Variants in SRGAP3 observed in about 807,000 individuals in gnomAD.
The protein encoded by SRGAP3 is SLIT-ROBO Rho GTPase-activating protein 3.
SRGAP3 carries 39 observed loss-of-function variants against 121.1 expected under a neutral mutation model. The ratio of observed to expected loss-of-function variants is 0.32; its 90% CI spans 0.25 to 0.42. The LOEUF (loss-of-function observed/expected upper bound fraction) is 0.42. Ranked by LOEUF, SRGAP3 falls within the 10% of genes least tolerant of loss-of-function variation. SRGAP3 has a pLI of 1.00. For synonymous variants in SRGAP3, 601 were observed against 570.0 expected, an observed-to-expected ratio of 1.05 and a Z score of -0.77; for missense variants, 1,213 against 1,470.6, an observed-to-expected ratio of 0.82 and a Z score of 2.86.
chr3:9,032,522 C>T (rs574413614), intron 12 of SRGAP3, 128 bp downstream of exon 12: 3 of 838,868 alleles, frequency 3.6e-6, no homozygotes, highest in East Asian at 2.5e-5. Flanking sequence ...TAAGAGCAGG[C>T]TGCAGTGAGG....
At position 9,195,116 on chromosome 3, in the gene SRGAP3, T is replaced by G. The variant is rs865820171; in HGVS notation, c.67+53769A>C. Among the ~76,000 whole-genome samples the G allele has an allele frequency of 1.1e-4, 17 of 152,366 alleles. No individual in the cohort carries two copies. The Middle Eastern group carries it at 0.02, about 183-fold the overall frequency. ...AGCAAGACATCACCGAAGGTGGAGTTGTGGAGAGATGCACATAGCTCTCCA... is the reference window on the plus strand; with the variant it reads ...AGCAAGACATCACCGAAGGTGGAGTGGTGGAGAGATGCACATAGCTCTCCA... On this transcript the variant is annotated intron_variant, in intron 1 of 21. Coordinates refer to ENST00000383836, the MANE Select transcript of SRGAP3 (RefSeq NM_014850.4).
intron 3 of SRGAP3, among the ~76,000 whole-genome samples, chr3:9,080,659 T>C (rs563155075): frequency 6.6e-6 from 1 of 152,100 alleles, no homozygotes; most frequent in South Asian, 2.1e-4. Context: ...CAGCAGGAGG[T>C]GAGCGGTGGG....
At chr3:9,294,695 C>CGTGTGTGT (rs753452580) in intron 3 of SRGAP3, among the ~76,000 whole-genome samples, 10,623 of 119,726 alleles carry the variant, frequency 0.089, 604 homozygotes, top group Non-Finnish European at 0.1. Flanking sequence ...TTGAAGCTTT[C>CGTGTGTGT]GTGTGTGTGT....
intron 18 of SRGAP3, among the ~76,000 whole-genome samples, chr3:9,001,253 C>A (rs1942750456): frequency 6.6e-6 from 1 of 152,116 alleles, no homozygotes; most frequent in Admixed American, 6.5e-5. Context: ...GTTCACACCA[C>A]AAAGAAACAA....
At chr3:9,155,395 C>T (rs1950384836) in intron 1 of SRGAP3, among the ~76,000 whole-genome samples, 1 of 152,152 alleles carries the variant, frequency 6.6e-6, no homozygotes, top group African/African-American at 2.4e-5. Flanking sequence ...ATTTTTGTCA[C>T]TCATGGTGAT....
At chr3:9,235,984 T>C (rs1953394966) in intron 1 of SRGAP3, 1 of 157,836 alleles carries the variant, frequency 6.3e-6, no homozygotes, top group African/African-American at 2.4e-5. Flanking sequence ...CTCTCATCCA[T>C]ACCATCTTCA....
At chr3:9,108,340 C>T (rs762623743) in intron 2 of SRGAP3, among the ~76,000 whole-genome samples, 31 of 152,226 alleles carry the variant, frequency 2.0e-4, no homozygotes, top group Non-Finnish European at 3.1e-4. Flanking sequence ...TGCTTTAGGC[C>T]GGGTGCAGTG....
At chr3:8,993,090 T>C in intron 19 of SRGAP3, 35 bp from the exon 20 acceptor site, 1 of 1,612,316 alleles carries the variant, frequency 6.2e-7, no homozygotes, top group Non-Finnish European at 8.5e-7. Flanking sequence ...GGAGGCACCT[T>C]CCCCCAAAGA....
At chr3:9,330,795 T>C (rs910050107) in intron 1 of SRGAP3, among the ~76,000 whole-genome samples, 4 of 152,160 alleles carry the variant, frequency 2.6e-5, no homozygotes, top group South Asian at 2.1e-4. Flanking sequence ...AACAGTGAGA[T>C]TGATTACAGC....
intron 1 of SRGAP3, among the ~76,000 whole-genome samples, chr3:9,140,360 G>A (rs1489053402): frequency 6.6e-6 from 1 of 152,080 alleles, no homozygotes. Context: ...GACAAAAGTA[G>A]GTTACAAAAA....
chr3:9,319,845 G>A (rs1955411256), intron 3 of SRGAP3, among the ~76,000 whole-genome samples: 1 of 151,986 alleles, frequency 6.6e-6, no homozygotes, highest in South Asian at 2.1e-4. Context: ...ACATGACTGT[G>A]AGAGTAAGAA....
At chr3:9,341,789 G>A (rs1036494357) in intron 1 of SRGAP3, among the ~76,000 whole-genome samples, 2 of 152,152 alleles carry the variant, frequency 1.3e-5, no homozygotes, top group South Asian at 2.1e-4. Flanking sequence ...GTGAGCCACC[G>A]CACCGGGCCT....
chr3:9,030,921 G>A (rs1015605938), intron 12 of SRGAP3, among the ~76,000 whole-genome samples: 2 of 151,324 alleles, frequency 1.3e-5, no homozygotes, highest in Non-Finnish European at 2.9e-5. Flanking sequence ...TACTGTGCTT[G>A]AGCTCATAGC....
At chr3:9,021,762 A>G (rs779088822) in intron 14 of SRGAP3, among the ~76,000 whole-genome samples, 20 of 152,192 alleles carry the variant, frequency 1.3e-4, no homozygotes, top group Non-Finnish European at 7.3e-5. Flanking sequence ...AAGAATGGGC[A>G]CCCTGCAGGA....
rs149222493 is a variant in SRGAP3 at position 8,985,764 on chromosome 3, G to C, written c.3055C>G (p.Arg1019Gly). Reference protein sequence around the residue: ...PASPLHTIVIRDPDAAMRRSS... With the variant: ...PASPLHTIVIGDPDAAMRRSS... Reference sequence around the variant, plus strand: ...CGGCGCATGGCGGCATCGGGGTCGCGGATGACGATGGTGTGAAGGGGACTG... The same window carrying C: ...CGGCGCATGGCGGCATCGGGGTCGCCGATGACGATGGTGTGAAGGGGACTG... The change falls in exon 22 of 22, where the codon CGC (arginine) becomes GGC (glycine). Residue 1019 changes from arginine (R) to glycine (G), a missense_variant. Transcript: ENST00000383836. This position sits in a 1 kb window ranked among gnomAD's most constrained non-coding sequence, Gnocchi z 5.1. 2 of 1,599,754 alleles carry C rather than the reference G, an allele frequency of 1.3e-6. No homozygotes were observed. Among genetic ancestry groups the C allele is most frequent in the Non-Finnish European group, 1.7e-6 (2 of 1,179,788 alleles).
intron 11 of SRGAP3, chr3:9,035,238 C>CA (rs1553642997): frequency 2.0e-5 from 3 of 153,166 alleles, no homozygotes; most frequent in Non-Finnish European, 2.9e-5. Flanking sequence ...CACTCAATAT[C>CA]AAAAAACCTA....
chr3:9,069,952 A>AG (rs1553652960), intron 4 of SRGAP3, among the ~76,000 whole-genome samples: 15 of 152,158 alleles, frequency 9.9e-5, no homozygotes, highest in African/African-American at 2.7e-4. Context: ...ATCTCAAAAA[A>AG]AAAGAAAGAA....
intron 1 of SRGAP3, among the ~76,000 whole-genome samples, chr3:9,149,076 T>C (rs1205144356): frequency 6.6e-6 from 1 of 151,352 alleles, no homozygotes; most frequent in Admixed American, 6.6e-5. Context: ...TAGCCGAGCG[T>C]GGTGGCAGGC....
intron 1 of SRGAP3, among the ~76,000 whole-genome samples, chr3:9,160,857 T>C (rs905791931): frequency 3.9e-5 from 6 of 152,178 alleles, no homozygotes; most frequent in Non-Finnish European, 8.8e-5. Context: ...TTTTAAAATT[T>C]AGAAAAATAC....
Sources: allele counts gnomAD v4.1 joint callset (sites outside exome capture counted in the v4.1 genomes callset), GRCh38; gene constraint gnomAD v4.1.1; non-coding constraint Gnocchi (gnomAD v3.1); transcripts MANE v1.5; gene names NCBI Gene and HGNC (gene_info 2026-07-23, HGNC 2026-07-21).